PITPNM3: variants seen among roughly 807,000 people sequenced by gnomAD.
PITPNM3 encodes the protein membrane-associated phosphatidylinositol transfer protein 3.
In PITPNM3, 26 loss-of-function variants were observed where a neutral mutation model predicts 102.0. The ratio of observed to expected loss-of-function variants is 0.25; its 90% confidence interval spans 0.19 to 0.35. PITPNM3 has a LOEUF of 0.35. Among genes scored for constraint, PITPNM3 ranks in the 10% least tolerant of loss-of-function variants. The pLI, the probability that PITPNM3 is intolerant of heterozygous loss-of-function variation, is 1.00. For missense variants in PITPNM3, 1,083 were observed against 1,346.1 expected (o/e 0.80, Z 3.06); for synonymous variants, 578 against 558.6 (o/e 1.03, Z -0.49).
intron 1 of PITPNM3, among the ~76,000 whole-genome samples, chr17:6,550,084 A>G (rs1910230430): frequency 6.6e-6 from 1 of 152,196 alleles, no homozygotes; most frequent in Non-Finnish European, 1.5e-5. Context: ...CTGACCCTCA[A>G]ACTCTTCCCT....
chr17:6,483,465 C>T lies in PITPNM3; in HGVS notation c.587+52G>A, dbSNP rs532045887. On this transcript the variant is annotated intron_variant, in intron 6 of 19. Coordinates refer to ENST00000262483, the MANE Select transcript of PITPNM3 (RefSeq NM_031220.4). ...CCATGCTGCAGGGGGAGCCCCTCCA[C>T]TTAGTTCCCCCACCAACCCCAACCA... The T allele has an allele frequency of 3.9e-6, 6 of 1,540,674 alleles. No homozygotes were observed. The East Asian group carries it at 1.4e-4, about 36-fold the overall frequency.
At chr17:6,555,337 T>G (rs556486393) in intron 1 of PITPNM3, among the ~76,000 whole-genome samples, 175 of 152,258 alleles carry the variant, frequency 1.1e-3, no homozygotes, top group African/African-American at 4.1e-3. Flanking sequence ...CTTTCGGGCT[T>G]GGGGGTGGAT....
At chr17:6,496,619 C>G (rs1307346024) in intron 4 of PITPNM3, among the ~76,000 whole-genome samples, 4 of 152,160 alleles carry the variant, frequency 2.6e-5, no homozygotes, top group Non-Finnish European at 5.9e-5. Context: ...TCTTCCCCTC[C>G]TCCGTCTCCC....
chr17:6,463,626 G>T, intron 17 of PITPNM3, 106 bp downstream of exon 17: 1 of 1,464,762 alleles, frequency 6.8e-7, no homozygotes, highest in Non-Finnish European at 9.2e-7. Flanking sequence ...CAGCCCCAGA[G>T]ACCGGTAGAA....
At chr17:6,522,028 T>C (rs770229621) in intron 3 of PITPNM3, among the ~76,000 whole-genome samples, 12 of 152,172 alleles carry the variant, frequency 7.9e-5, no homozygotes, top group Non-Finnish European at 1.5e-4. Flanking sequence ...CCTAAGCCTG[T>C]GCCACTTCTG....
In PITPNM3 at chr17:6,470,447, C is replaced by G; in HGVS notation, c.1625-39G>C. On this transcript the variant is annotated intron_variant, in intron 12 of 19. Coordinates refer to ENST00000262483, the MANE Select transcript of PITPNM3 (RefSeq NM_031220.4). The surrounding 1 kb of genome is among the most constrained non-coding windows in gnomAD (Gnocchi z 4.8). Reference sequence around the variant, plus strand: ...AGGAAGGTGAGGATGCGTGGCCGGCCCGGGGCCTCACCCGAGGGGCAGCGG... The same window carrying G: ...AGGAAGGTGAGGATGCGTGGCCGGCGCGGGGCCTCACCCGAGGGGCAGCGG... The G allele has an allele frequency of 6.2e-7, 1 of 1,613,554 alleles. No individual in the cohort carries two copies. The highest frequency in any genetic ancestry group is 8.5e-7 in the Non-Finnish European group (1 of 1,179,910).
At position 6,468,301 on chromosome 17, in the gene PITPNM3, C is replaced by T. The variant is rs760328571; in HGVS notation, c.1814G>A (p.Arg605His). ...YESVNIKESARLDPAALSPAN... is the reference protein window; with the variant it reads ...YESVNIKESAHLDPAALSPAN... ...AGGACTCAGTGCTGCAGGGTCCAGG[C>T]GGGCGCTTTCCTTGATGTTCACGCT... The change falls in exon 14 of 20, where the codon CGC (arginine) becomes CAC (histidine). Residue 605 changes from arginine to histidine, a missense_variant. Coordinates refer to ENST00000262483, the MANE Select transcript of PITPNM3 (RefSeq NM_031220.4). This position sits in a 1 kb window ranked among gnomAD's most constrained non-coding sequence, Gnocchi z 5.2. 3.9e-5 allele frequency: 63 copies of T among 1,613,898 alleles called. No individual in the cohort carries two copies. The highest frequency in any genetic ancestry group is 5.0e-5 in the Non-Finnish European group (59 of 1,180,020).
Position 6,457,678 on chromosome 17 carries a change from G to A in PITPNM3, c.2535C>T (p.Ile845=), listed in dbSNP as rs755295734. Residue 845 remains isoleucine (I), a synonymous_variant, in exon 19 of 20, where the codon ATC becomes ATT. Transcript: ENST00000262483. The surrounding 1 kb of genome is among the most constrained non-coding windows in gnomAD (Gnocchi z 4.7). ...GCAGGCCCAGCACGCTGTAGACAGA[G>A]ATGTCCTTCGTGGAGCCATAGGCCG... ...ISAAYGSTKD[I]SVYSVLGLPA... is the part of the protein sequence containing the mutation. The A allele has an allele frequency of 2.5e-5, 40 of 1,606,382 alleles. No homozygotes were observed. The highest frequency in any genetic ancestry group is 8.5e-5 in the Admixed American group (5 of 59,104).
chr17:6,496,850 G>A (rs998035840), intron 4 of PITPNM3, among the ~76,000 whole-genome samples: 4 of 152,088 alleles, frequency 2.6e-5, no homozygotes, highest in Non-Finnish European at 4.4e-5. Flanking sequence ...TTGTATATGC[G>A]CACAGAGACG....
intron 4 of PITPNM3, among the ~76,000 whole-genome samples, chr17:6,492,590 C>T (rs1190121880): frequency 6.6e-6 from 1 of 152,178 alleles, no homozygotes; most frequent in Non-Finnish European, 1.5e-5. Flanking sequence ...GGCGCCATGG[C>T]TCACACCTAT....
chr17:6,513,851 T>A (rs1021477319), intron 3 of PITPNM3, among the ~76,000 whole-genome samples: 8 of 152,326 alleles, frequency 5.3e-5, no homozygotes, highest in African/African-American at 1.7e-4. Flanking sequence ...AGAACAAAGC[T>A]AGTGGACCCC....
intron 1 of PITPNM3, 85 bp from the exon 2 acceptor site, chr17:6,538,167 G>A (rs1289781339): frequency 2.1e-6 from 2 of 968,576 alleles, no homozygotes; most frequent in African/African-American, 3.2e-5. Context: ...CTGGACTAAA[G>A]GCCAGTTAGC....
At position 6,498,064 on chromosome 17, in the gene PITPNM3, G is replaced by C. The variant is rs571099720; in HGVS notation, c.274+5463C>G. On this transcript the variant is annotated intron_variant, in intron 4 of 19. Transcript: ENST00000262483. ...GGAAGGGGAGTTACTGCCCCTTTGA[G>C]ACAACAGCTCTACCCTTTGCCTCTT... Among the ~76,000 whole-genome samples, 6 of 152,300 alleles carry C rather than the reference G, an allele frequency of 3.9e-5. No homozygotes were observed. The East Asian group carries it at 1.2e-3, about 29-fold the overall frequency.
chr17:6,526,006 G>A (rs181927993), intron 2 of PITPNM3, among the ~76,000 whole-genome samples: 100 of 152,346 alleles, frequency 6.6e-4, no homozygotes, highest in African/African-American at 2.3e-3. Context: ...TTGAGTGGAT[G>A]AGGATTTGTG....
At chr17:6,520,750 T>C (rs1404157865) in intron 3 of PITPNM3, among the ~76,000 whole-genome samples, 1 of 152,232 alleles carries the variant, frequency 6.6e-6, no homozygotes, top group Non-Finnish European at 1.5e-5. Context: ...CATCATCAGA[T>C]GAATGGATAA....
At chr17:6,533,300 G>T (rs1309420221) in intron 2 of PITPNM3, among the ~76,000 whole-genome samples, 1 of 152,098 alleles carries the variant, frequency 6.6e-6, no homozygotes, top group African/African-American at 2.4e-5. Context: ...TAATAAGTAG[G>T]TATTGGTATC....
At chr17:6,501,172 C>T (rs567941917) in intron 4 of PITPNM3, among the ~76,000 whole-genome samples, 26 of 152,282 alleles carry the variant, frequency 1.7e-4, no homozygotes, top group Non-Finnish European at 2.6e-4. Context: ...GTTTTTGCTT[C>T]GGGGCTGCCG....
rs896419885 is a variant in PITPNM3 at position 6,455,168 on chromosome 17, G to A, written c.*170C>T. 1.2e-5 allele frequency: 10 copies of A among 855,720 alleles called. No homozygotes were observed. Among genetic ancestry groups the A allele is most frequent in the Admixed American group, 3.3e-5 (1 of 29,852 alleles). The allele number at this position is 855,720 out of a possible 1,614,324, so 53.0% of individuals were successfully genotyped here. A position where few individuals can be genotyped will look rare whatever the true frequency, so the allele number is the denominator to read the frequency against. Reference sequence around the variant, plus strand: ...ACCTCACCCCGTCGCAGCTCAGGGAGCCCCCCGGGCTCGGGCAGGATCCCT... The same window carrying A: ...ACCTCACCCCGTCGCAGCTCAGGGAACCCCCCGGGCTCGGGCAGGATCCCT... On this transcript the variant is annotated 3_prime_UTR_variant, in exon 20 of 20. Transcript: ENST00000262483.
intron 17 of PITPNM3, among the ~76,000 whole-genome samples, chr17:6,463,413 T>TGCAGGGAGGGAG (rs1253684928): frequency 4.5e-5 from 2 of 44,340 alleles, no homozygotes; most frequent in Admixed American, 2.0e-4. Flanking sequence ...CGTGCACGAG[T>TGCAGGGAGGGAG]GCAGGGAGGG....
Sources: allele counts gnomAD v4.1 joint callset (sites outside exome capture counted in the v4.1 genomes callset), GRCh38; gene constraint gnomAD v4.1.1; non-coding constraint Gnocchi (gnomAD v3.1); transcripts MANE v1.5; gene names NCBI Gene and HGNC (gene_info 2026-07-23, HGNC 2026-07-21).